The following CPNE8 variants were observed in gnomAD, a reference collection of about 807,000 sequenced individuals.
CPNE8 encodes copine 8, also known as copine-8.
A neutral mutation model predicts 81.5 loss-of-function variants in CPNE8; 45 were observed. That is an observed-to-expected ratio of 0.55 (90% CI 0.44 to 0.71). The LOEUF (loss-of-function observed/expected upper bound fraction) is 0.71, where lower values mean the gene tolerates loss of function less well. Among genes scored for constraint, CPNE8 ranks in the 30% least tolerant of loss-of-function variants. The pLI is 0.00. For synonymous variants in CPNE8, 252 were observed against 226.3 expected (o/e 1.11, Z -1.02); for missense variants, 594 against 672.1 (o/e 0.88, Z 1.28).
At chr12:38,879,119 T>A (rs1944111051) in intron 1 of CPNE8, among the ~76,000 whole-genome samples, 1 of 151,964 alleles carries the variant, frequency 6.6e-6, no homozygotes, top group African/African-American at 2.4e-5. Context: ...ATTGAGAGAG[T>A]CAGGTGGGAG....
intron 10 of CPNE8, among the ~76,000 whole-genome samples, chr12:38,742,797 T>C (rs892453215): frequency 3.3e-5 from 5 of 151,944 alleles, no homozygotes; most frequent in Non-Finnish European, 7.4e-5. Flanking sequence ...TACAATACAA[T>C]GTAAACTCTA....
At chr12:38,902,354 A>AAAGAAAG (rs1565670080) in intron 1 of CPNE8, among the ~76,000 whole-genome samples, 99 of 99,394 alleles carry the variant, frequency 1.0e-3, no homozygotes, top group South Asian at 1.7e-3. Flanking sequence ...GAAAGAAAGA[A>AAAGAAAG]AGAAAGAAAG....
chr12:38,832,657 C>T lies in CPNE8; in HGVS notation c.331-3202G>A, dbSNP rs140576885. Among the ~76,000 whole-genome samples the T allele has an allele frequency of 1.5e-3, 233 of 152,056 alleles. 2 individuals are homozygous for T. The highest frequency in any genetic ancestry group is 5.3e-3 in the African/African-American group (221 of 41,482). Reference sequence around the variant, plus strand: ...CTTAAATGGAGGCCTCTACAGGTACCGTACATTTTGCCCCCAAATATTTAT... The same window carrying T: ...CTTAAATGGAGGCCTCTACAGGTACTGTACATTTTGCCCCCAAATATTTAT... On this transcript the variant is annotated intron_variant, in intron 5 of 19. Transcript: ENST00000331366.
chr12:38,682,608 A>C (rs910055823), intron 16 of CPNE8, among the ~76,000 whole-genome samples: 2 of 152,222 alleles, frequency 1.3e-5, no homozygotes, highest in Non-Finnish European at 2.9e-5. Context: ...CAGATATCTC[A>C]GTATATCCAA....
intron 11 of CPNE8, among the ~76,000 whole-genome samples, chr12:38,727,732 A>G (rs1311546971): frequency 6.6e-6 from 1 of 151,040 alleles, no homozygotes; most frequent in Non-Finnish European, 1.5e-5. Context: ...TCAAAAACCA[A>G]AAAGGAAGAT....
intron 10 of CPNE8, among the ~76,000 whole-genome samples, chr12:38,743,185 T>A (rs1339443496): frequency 6.6e-6 from 1 of 152,080 alleles, no homozygotes; most frequent in Admixed American, 6.5e-5. Context: ...TATTTATTAG[T>A]CAGAAAGCAT....
At chr12:38,686,751 G>T (rs938602207) in intron 15 of CPNE8, among the ~76,000 whole-genome samples, 3 of 152,132 alleles carry the variant, frequency 2.0e-5, no homozygotes, top group Admixed American at 2.0e-4. Context: ...CACTTACATG[G>T]CTGTTGGCAG....
At chr12:38,764,908 A>G (rs1941656545) in intron 8 of CPNE8, among the ~76,000 whole-genome samples, 1 of 152,098 alleles carries the variant, frequency 6.6e-6, no homozygotes, top group African/African-American at 2.4e-5. Context: ...GAGAGACTAG[A>G]CTGAGAGACC....
At chr12:38,707,141 C>G (rs1346370702) in intron 13 of CPNE8, among the ~76,000 whole-genome samples, 1 of 151,976 alleles carries the variant, frequency 6.6e-6, no homozygotes, top group Non-Finnish European at 1.5e-5. Context: ...TACTGAGACC[C>G]AGTCTGTATA....
At chr12:38,744,506 G>T (rs770020686) in intron 10 of CPNE8, among the ~76,000 whole-genome samples, 1 of 152,112 alleles carries the variant, frequency 6.6e-6, no homozygotes, top group Non-Finnish European at 1.5e-5. Flanking sequence ...ACTACATTTA[G>T]AATTTTAGAA....
At chr12:38,892,449 G>A (rs553482296) in intron 1 of CPNE8, among the ~76,000 whole-genome samples, 3 of 152,202 alleles carry the variant, frequency 2.0e-5, no homozygotes, top group Admixed American at 6.5e-5. Flanking sequence ...TACTTCTTGA[G>A]CCAGAGTGGA....
chr12:38,663,385 C>T (rs2136637223), intron 19 of CPNE8, among the ~76,000 whole-genome samples: 1 of 151,804 alleles, frequency 6.6e-6, no homozygotes, highest in South Asian at 2.1e-4. Flanking sequence ...ACACAAATGG[C>T]CAAAAATAAA....
intron 1 of CPNE8, 80 bp from the exon 2 acceptor site, chr12:38,874,591 G>A: frequency 2.4e-6 from 2 of 826,614 alleles, no homozygotes; most frequent in Non-Finnish European, 3.9e-6. Flanking sequence ...AAATGTGTAT[G>A]TACATAATTG....
chr12:38,896,617 T>G (rs966030309), intron 1 of CPNE8, among the ~76,000 whole-genome samples: 2 of 152,164 alleles, frequency 1.3e-5, no homozygotes, highest in Non-Finnish European at 2.9e-5. Flanking sequence ...TTGGTTATTA[T>G]AGCAGACTAC....
Position 38,762,231 on chromosome 12 carries a change from T to C in CPNE8, c.576-15A>G. The C allele has an allele frequency of 1.4e-6, 2 of 1,393,996 alleles. No homozygotes were observed. Among genetic ancestry groups the C allele is most frequent in the Non-Finnish European group, 1.0e-6 (1 of 998,920 alleles). 86.4% of individuals were successfully genotyped at this position (1,393,996 alleles called of 1,614,324 possible). A position where few individuals can be genotyped will look rare whatever the true frequency, so the allele number is the denominator to read the frequency against. On this transcript the variant is annotated splice_polypyrimidine_tract_variant and intron_variant, in intron 8 of 19. Coordinates refer to ENST00000331366, the MANE Select transcript of CPNE8 (RefSeq NM_153634.3). ...AAATTGTAAAACTATAAAGAAAGAGTTTTCAGTTATTTGCATGCTTTGACT... is the reference window on the plus strand; with the variant it reads ...AAATTGTAAAACTATAAAGAAAGAGCTTTCAGTTATTTGCATGCTTTGACT...
chr12:38,687,584 G>T (rs1939561878), intron 15 of CPNE8, among the ~76,000 whole-genome samples: 1 of 151,926 alleles, frequency 6.6e-6, no homozygotes, highest in African/African-American at 2.4e-5. Context: ...GTTTTGCCAT[G>T]TTGACCAGGC....
chr12:38,788,416 T>G (rs1265785875), intron 6 of CPNE8, among the ~76,000 whole-genome samples: 6 of 151,786 alleles, frequency 4.0e-5, no homozygotes, highest in Admixed American at 3.9e-4. Context: ...CATCTCTTCA[T>G]CAAAAAAACC....
chr12:38,829,405 C>T lies in CPNE8; in HGVS notation c.381G>A (p.Gln127=), dbSNP rs770371243. ...CTATTGGTTTTTCCAGGCGACTTCC[C>T]TGTGAACCAACGATCTCTCCCAATG... The part of the protein sequence containing the change: ...FCTLGEIVGS[Q]GSRLEKPIVG... Residue 127 remains glutamine, a synonymous_variant, in exon 6 of 20, where the codon CAG becomes CAA. Transcript: ENST00000331366. 46 of 1,613,034 alleles carry T rather than the reference C, an allele frequency of 2.9e-5. No homozygotes were observed. The highest frequency in any genetic ancestry group is 1.2e-4 in the South Asian group (11 of 91,046).
chr12:38,684,267 T>C (rs895391499), intron 16 of CPNE8, among the ~76,000 whole-genome samples: 5 of 152,084 alleles, frequency 3.3e-5, no homozygotes, highest in Admixed American at 2.6e-4. Flanking sequence ...GACCCATTAA[T>C]GGATTGTGAG....
Sources: gnomAD v4.1 joint callset for allele counts (sites outside exome capture counted in the v4.1 genomes callset) on GRCh38, gnomAD v4.1.1 for gene constraint, MANE v1.5 for transcripts, NCBI Gene and HGNC (gene_info 2026-07-23, HGNC 2026-07-21) for gene names.